ERICH3: variants seen among roughly 807,000 people sequenced by gnomAD.
ERICH3 encodes the protein glutamate rich 3.
A neutral mutation model predicts 131.1 loss-of-function variants in ERICH3; 126 were observed. The observed-to-expected ratio is 0.96, with a 90% CI of 0.83 to 1.11. The LOEUF is 1.11. Among genes scored for constraint, ERICH3 ranks in the 50% most tolerant of loss-of-function variants. The pLI, the probability that ERICH3 is intolerant of heterozygous loss-of-function variation, is 0.00. For synonymous variants in ERICH3, 695 were observed against 644.6 expected, an observed-to-expected ratio of 1.08 and a Z score of -1.18; for missense variants, 2,050 against 1,810.7, an observed-to-expected ratio of 1.13 and a Z score of -2.40.
chr1:74,583,466 T>G (rs1273381681), intron 12 of ERICH3, among the ~76,000 whole-genome samples: 1 of 152,058 alleles, frequency 6.6e-6, no homozygotes, highest in Non-Finnish European at 1.5e-5. Context: ...AAAGGTATGT[T>G]GATGTGGTCT....
At chr1:74,586,949 A>T (rs1313312703) in intron 12 of ERICH3, among the ~76,000 whole-genome samples, 1 of 152,208 alleles carries the variant, frequency 6.6e-6, no homozygotes, top group Non-Finnish European at 1.5e-5. Context: ...TTTCAAAATT[A>T]CTTTTCTCTA....
intron 12 of ERICH3, chr1:74,586,536 G>GA (rs1570824627): frequency 1.0e-6 from 1 of 967,482 alleles, no homozygotes; most frequent in Admixed American, 6.2e-5. Flanking sequence ...ATTTTTGTGA[G>GA]AAAAAAGTTT....
chr1:74,606,928 T>C (rs1163937355), intron 9 of ERICH3, 26 bp from the exon 10 acceptor site: 1 of 1,593,648 alleles, frequency 6.3e-7, no homozygotes, highest in Admixed American at 1.7e-5. Context: ...GCAGGAAGTG[T>C]TTGTTAACCC....
At chr1:74,648,943 T>C (rs558117349) in intron 2 of ERICH3, among the ~76,000 whole-genome samples, 1 of 152,246 alleles carries the variant, frequency 6.6e-6, no homozygotes, top group South Asian at 2.1e-4. Context: ...TCAATAAATA[T>C]GTGTTGAATG....
chr1:74,637,566 TG>T (rs1180314256), intron 5 of ERICH3, among the ~76,000 whole-genome samples: 1 of 152,144 alleles, frequency 6.6e-6, no homozygotes, highest in Non-Finnish European at 1.5e-5. Flanking sequence ...CAAAAGTGCT[TG>T]TATAGTGCAT....
intron 13 of ERICH3, among the ~76,000 whole-genome samples, chr1:74,576,405 G>A (rs1647054636): frequency 6.6e-6 from 1 of 152,166 alleles, no homozygotes; most frequent in South Asian, 2.1e-4. Context: ...GGTTCTCTAA[G>A]ATCATGGTGC....
intron 7 of ERICH3, chr1:74,622,005 A>C (rs1649241994): frequency 6.6e-6 from 1 of 152,226 alleles, no homozygotes; most frequent in African/African-American, 2.4e-5. Flanking sequence ...GATCCAAGGC[A>C]GTAATTTGAG....
intron 7 of ERICH3, chr1:74,624,165 C>G (rs1229372052): frequency 6.6e-6 from 1 of 152,248 alleles, no homozygotes; most frequent in Non-Finnish European, 1.5e-5. Flanking sequence ...TTGGTTCTAC[C>G]CTATATAGGA....
intron 6 of ERICH3, chr1:74,634,575 C>A: frequency 1.5e-6 from 1 of 665,486 alleles, no homozygotes; most frequent in Non-Finnish European, 2.7e-6. Flanking sequence ...TTAAATAATA[C>A]CTGATTGATG....
At chr1:74,654,641 C>A (rs1442900938) in intron 1 of ERICH3, among the ~76,000 whole-genome samples, 3 of 152,058 alleles carry the variant, frequency 2.0e-5, no homozygotes, top group African/African-American at 7.2e-5. Flanking sequence ...CTTATAAGGG[C>A]ACCAATCCCT....
intron 11 of ERICH3, among the ~76,000 whole-genome samples, chr1:74,597,559 G>A (rs1023329643): frequency 1.1e-4 from 17 of 151,944 alleles, no homozygotes; most frequent in South Asian, 4.1e-4. Context: ...TCTATACAAC[G>A]TTGCTAATTA....
chr1:74,573,199 C>G lies in ERICH3; in HGVS notation c.2511G>C (p.Arg837Ser), dbSNP rs1273688951. 6 of 1,612,474 alleles carry G rather than the reference C, an allele frequency of 3.7e-6. No individual in the cohort carries two copies. Among genetic ancestry groups the G allele is most frequent in the Admixed American group, 1.7e-5 (1 of 59,872 alleles). Residue 837 changes from arginine to serine, a missense_variant, in exon 14 of 15, where the codon AGG becomes AGC. By Grantham distance (110) the Arg-to-Ser change is moderately radical. Coordinates refer to ENST00000326665, the MANE Select transcript of ERICH3 (RefSeq NM_001002912.5). ...EKREIPPGIE[R>S]GAEGAAEAEG... ...CTGCTTCTGCTGCTCCCTCTGCCCC[C>G]CTTTCTATGCCTGGAGGGATCTCCC...
rs375067594 is a variant in ERICH3, at chr1:74,631,775, A to G, written c.757T>C (p.Trp253Arg). ...KITRENRSET[W>R]RRRRFRPTTA... The stretch of plus-strand genomic sequence containing the variant: ...GTTGGACGAAATCTTCTCCTTCTCC[A>G]TGTTTCAGATCTATTTTCTCTTGTG... The change falls in exon 7 of 15, where the codon TGG becomes CGG. Residue 253 changes from tryptophan to arginine, a missense_variant. Trp to Arg is a moderately radical substitution (Grantham distance 101). Coordinates refer to ENST00000326665, the MANE Select transcript of ERICH3 (RefSeq NM_001002912.5). 2.5e-6 allele frequency: 4 copies of G among 1,613,470 alleles called. No individual in the cohort carries two copies. Among genetic ancestry groups the G allele is most frequent in the Non-Finnish European group, 1.7e-6 (2 of 1,179,678 alleles).
At position 74,571,080 on chromosome 1, in the gene ERICH3, A is replaced by G. The variant is rs2100495442; in HGVS notation, c.*18+19T>C. ...AGGGCTGCTATTTAGTCCTACAAAG[A>G]CATTACGCTTAAACTCACTGTCTGC... is the stretch of plus-strand genomic sequence containing the variant. On this transcript the variant is annotated intron_variant, in intron 14 of 14. Transcript: ENST00000326665. The G allele has an allele frequency of 6.3e-7, 1 of 1,586,658 alleles. No homozygotes were observed. The highest frequency in any genetic ancestry group is 8.6e-7 in the Non-Finnish European group (1 of 1,167,634).
intron 7 of ERICH3, chr1:74,626,044 AATG>A (rs1649403881): frequency 6.6e-6 from 1 of 152,214 alleles, no homozygotes; most frequent in South Asian, 2.1e-4. Context: ...TACAGGTGGA[AATG>A]ATATTTTAGA....
At position 74,569,158 on chromosome 1, in the gene ERICH3, T is replaced by C. The variant is rs1646906662; in HGVS notation, c.*1300A>G. On this transcript the variant is annotated 3_prime_UTR_variant, in exon 15 of 15. Coordinates refer to ENST00000326665, the MANE Select transcript of ERICH3 (RefSeq NM_001002912.5). ...TAGAACAGCGGTTCTCAACCTTGGCTACAGAGAAGAATCAAGTGAAAAGTT... is the reference window on the plus strand; with the variant it reads ...TAGAACAGCGGTTCTCAACCTTGGCCACAGAGAAGAATCAAGTGAAAAGTT... 1 of 152,198 alleles carries C rather than the reference T, an allele frequency of 6.6e-6. No homozygotes were observed. Among genetic ancestry groups the C allele is most frequent in the Non-Finnish European group, 1.5e-5 (1 of 68,038 alleles). The allele number at this position is 152,198 out of a possible 1,614,324, so 9.4% of individuals were successfully genotyped here.
chr1:74,635,610 A>G (rs1426416717), intron 6 of ERICH3, among the ~76,000 whole-genome samples: 1 of 152,170 alleles, frequency 6.6e-6, no homozygotes, highest in Non-Finnish European at 1.5e-5. Flanking sequence ...TCATTTTAGA[A>G]AAACTAACAA....
intron 1 of ERICH3, among the ~76,000 whole-genome samples, chr1:74,659,609 T>C (rs575807118): frequency 6.6e-6 from 1 of 152,176 alleles, no homozygotes; most frequent in African/African-American, 2.4e-5. Context: ...ATCCAACCAA[T>C]GAAAGAATGG....
Position 74,571,755 on chromosome 1 carries a change from C to T in ERICH3, c.3955G>A (p.Asp1319Asn), listed in dbSNP as rs761450225. The change falls in exon 14 of 15, where the codon GAC becomes AAC. Residue 1319 changes from aspartate to asparagine, a missense_variant. Physicochemically the swap from Asp to Asn is conservative, Grantham distance 23. Coordinates refer to ENST00000326665, the MANE Select transcript of ERICH3 (RefSeq NM_001002912.5). ...TGTGTGTTTCCTTCTCCTTCCATGT[C>T]CCCGTCCCCTTCCGAGTTCCTGTCC... ...MQDRNSEGDG[D>N]MEGEGNTQKN... 4 of 1,614,168 alleles carry T rather than the reference C, an allele frequency of 2.5e-6. No homozygotes were observed. The highest frequency in any genetic ancestry group is 4.5e-5 in the East Asian group (2 of 44,874).
Sources: gnomAD v4.1 joint callset for allele counts (sites outside exome capture counted in the v4.1 genomes callset) on GRCh38, gnomAD v4.1.1 for gene constraint, MANE v1.5 for transcripts, NCBI Gene and HGNC (gene_info 2026-07-23, HGNC 2026-07-21) for gene names.